The following ELL variants were observed in gnomAD, a reference collection of about 807,000 sequenced individuals.
ELL encodes the protein RNA polymerase II elongation factor ELL.
In ELL, 18 loss-of-function variants were observed where a neutral mutation model predicts 64.0. The ratio of observed to expected loss-of-function variants is 0.28; its 90% CI spans 0.19 to 0.42. The LOEUF (loss-of-function observed/expected upper bound fraction) is 0.42, where lower values mean the gene tolerates loss of function less well. ELL is among the 10% of genes least tolerant of loss of function. ELL has a pLI of 1.00. For synonymous variants in ELL, 399 were observed against 376.2 expected (o/e 1.06, Z -0.70); for missense variants, 797 against 870.4 (o/e 0.92, Z 1.06).
intron 1 of ELL, among the ~76,000 whole-genome samples, chr19:18,514,273 G>A (rs1260199267): frequency 1.3e-5 from 2 of 151,876 alleles, no homozygotes; most frequent in Non-Finnish European, 2.9e-5. Context: ...CAGCACTTTG[G>A]GAGGCCAAGG....
At chr19:18,492,957 C>T (rs1240923035) in intron 1 of ELL, among the ~76,000 whole-genome samples, 3 of 152,068 alleles carry the variant, frequency 2.0e-5, no homozygotes, top group Admixed American at 2.0e-4. Flanking sequence ...CTCATGATTC[C>T]TCCCCTCCAA....
chr19:18,496,596 C>T (rs912421324), intron 1 of ELL, among the ~76,000 whole-genome samples: 4 of 151,950 alleles, frequency 2.6e-5, no homozygotes, highest in Non-Finnish European at 4.4e-5. Flanking sequence ...GGGTTGGAGG[C>T]GTGGAGTAGG....
chr19:18,477,629 G>C (rs1180265093), intron 1 of ELL, among the ~76,000 whole-genome samples: 2 of 152,150 alleles, frequency 1.3e-5, no homozygotes, highest in Non-Finnish European at 2.9e-5. Context: ...AAAGTGCTGA[G>C]GGAGAAACAC....
Position 18,522,038 on chromosome 19 carries a change from C to G in ELL, c.18G>C (p.Glu6Asp), listed in dbSNP as rs1168152083. 2 of 1,606,902 alleles carry G rather than the reference C, an allele frequency of 1.2e-6. No individual in the cohort carries two copies. Among genetic ancestry groups the G allele is most frequent in the Non-Finnish European group, 8.5e-7 (1 of 1,176,220 alleles). ...CGCACGACAGCCCGTAGCTCCTATC[C>G]TCCTTCAGCGCCGCCATCTTGCGAC... is the stretch of plus-strand genomic sequence containing the variant. MAALK[E>D]DRSYGLSCGR... The change falls in exon 1 of 12, where the codon GAG (glutamate) becomes GAC (aspartate). Residue 6 changes from glutamate to aspartate, a missense_variant. Physicochemically the swap from Glu to Asp is conservative, Grantham distance 45 (BLOSUM62 2). Transcript: ENST00000262809.
intron 8 of ELL, chr19:18,448,346 G>C (rs1382255554): frequency 6.6e-6 from 1 of 152,168 alleles, no homozygotes; most frequent in African/African-American, 2.4e-5. Context: ...GCTGACCACA[G>C]CAGCTTCTCT....
intron 2 of ELL, among the ~76,000 whole-genome samples, chr19:18,470,749 C>T (rs535815506): frequency 2.0e-5 from 3 of 152,224 alleles, no homozygotes; most frequent in Non-Finnish European, 4.4e-5. Context: ...CGAATCAGCC[C>T]AAGGCCTTAA....
chr19:18,483,821 G>C (rs1363302882), intron 1 of ELL, among the ~76,000 whole-genome samples: 1 of 152,140 alleles, frequency 6.6e-6, no homozygotes, highest in Non-Finnish European at 1.5e-5. Flanking sequence ...CCAAGGGAGG[G>C]ACAAGCACCC....
intron 1 of ELL, among the ~76,000 whole-genome samples, chr19:18,512,627 A>C (rs1220853094): frequency 6.6e-6 from 1 of 152,240 alleles, no homozygotes; most frequent in African/African-American, 2.4e-5. Context: ...AAAAAAAACA[A>C]TAAAACCCTA....
chr19:18,511,861 A>T (rs1976031602), intron 1 of ELL, among the ~76,000 whole-genome samples: 2 of 144,310 alleles, frequency 1.4e-5, no homozygotes, highest in South Asian at 2.2e-4. Flanking sequence ...TCTACAAATT[A>T]AAAAAAAAAA....
chr19:18,471,856 T>C (rs902180615), intron 2 of ELL, among the ~76,000 whole-genome samples: 1 of 152,182 alleles, frequency 6.6e-6, no homozygotes, highest in African/African-American at 2.4e-5. Context: ...TATGAACCTC[T>C]CTCCCAACCA....
chr19:18,451,010 A>T (rs775417809), intron 7 of ELL, 35 bp from the exon 8 acceptor site: 1 of 1,493,220 alleles, frequency 6.7e-7, no homozygotes, highest in Non-Finnish European at 8.9e-7. Flanking sequence ...AGAGGGGAGC[A>T]CAGAGTGGCT....
At position 18,446,399 on chromosome 19, in the gene ELL, G is replaced by A. The variant is rs754772366; in HGVS notation, c.1614C>T (p.Asp538=). 4.3e-6 allele frequency: 7 copies of A among 1,612,218 alleles called. No individual in the cohort carries two copies. The Admixed American group carries it at 5.0e-5, about 12-fold the overall frequency. Residue 538 remains aspartate, a synonymous_variant, in exon 10 of 12, where the codon GAC becomes GAT. Coordinates refer to ENST00000262809, the MANE Select transcript of ELL (RefSeq NM_006532.4). ...TGATGCGCTCAATGCGGGCGTGCAGGTCGCGGTACTCGCTGTACTCGGCAT... is the reference window on the plus strand; with the variant it reads ...TGATGCGCTCAATGCGGGCGTGCAGATCGCGGTACTCGCTGTACTCGGCAT... ...DFNAEYSEYR[D]LHARIERITR... is the part of the protein sequence containing the mutation.
intron 1 of ELL, among the ~76,000 whole-genome samples, chr19:18,484,753 G>A (rs1003981547): frequency 2.6e-5 from 4 of 152,184 alleles, no homozygotes; most frequent in African/African-American, 9.7e-5. Flanking sequence ...AGAGTTTGGT[G>A]GGGTTTTGTT....
intron 6 of ELL, among the ~76,000 whole-genome samples, chr19:18,453,984 AG>A (rs1423736275): frequency 1.3e-5 from 2 of 152,222 alleles, no homozygotes; most frequent in African/African-American, 4.8e-5. Flanking sequence ...GACAGAAAGC[AG>A]ATTAGTAGTT....
intron 8 of ELL, chr19:18,448,658 A>AT (rs1156702261): frequency 6.6e-6 from 1 of 151,850 alleles, no homozygotes; most frequent in Non-Finnish European, 1.5e-5. Flanking sequence ...GCTGGTCAAC[A>AT]TTACCTCATT....
intron 4 of ELL, among the ~76,000 whole-genome samples, chr19:18,462,370 C>CGGGG (rs869305278): frequency 4.3e-5 from 1 of 23,052 alleles, no homozygotes; most frequent in African/African-American, 5.5e-4. Context: ...TGTGTTTGGG[C>CGGGG]GGGGGGCGGG....
intron 2 of ELL, among the ~76,000 whole-genome samples, chr19:18,467,454 C>G (rs1262364241): frequency 6.6e-6 from 1 of 152,030 alleles, no homozygotes; most frequent in Admixed American, 6.6e-5. Flanking sequence ...AGGGCAAGGC[C>G]AAAGTCCATT....
intron 1 of ELL, among the ~76,000 whole-genome samples, chr19:18,497,346 G>A (rs567459851): frequency 3.9e-5 from 6 of 152,332 alleles, no homozygotes; most frequent in East Asian, 3.9e-4. Flanking sequence ...TAAGAGCATC[G>A]GTGGATGCCA....
At chr19:18,447,958 A>C (rs1974451555) in intron 8 of ELL, among the ~76,000 whole-genome samples, 1 of 151,478 alleles carries the variant, frequency 6.6e-6, no homozygotes, top group African/African-American at 2.4e-5. Flanking sequence ...CTAATTACAA[A>C]ATTTTTTTGT....
Sources: gnomAD v4.1 joint callset for allele counts (sites outside exome capture counted in the v4.1 genomes callset) on GRCh38, gnomAD v4.1.1 for gene constraint, MANE v1.5 for transcripts, NCBI Gene and HGNC (gene_info 2026-07-23, HGNC 2026-07-21) for gene names.